Variants in MTHFD1L observed in about 807,000 individuals in gnomAD.
MTHFD1L encodes methylenetetrahydrofolate dehydrogenase (NADP+ dependent) 1 like, also known as monofunctional C1-tetrahydrofolate synthase, mitochondrial.
A neutral mutation model predicts 119.5 loss-of-function variants in MTHFD1L; 81 were observed. That is an observed-to-expected ratio of 0.68 (90% confidence interval 0.57 to 0.82). The LOEUF (loss-of-function observed/expected upper bound fraction) is 0.82. Ranked by LOEUF, MTHFD1L falls within the 40% of genes least tolerant of loss-of-function variation. MTHFD1L has a pLI of 0.00. For synonymous variants in MTHFD1L, 430 were observed against 475.2 expected, an observed-to-expected ratio of 0.90 and a Z score of 1.24; for missense variants, 1,125 against 1,253.4, an observed-to-expected ratio of 0.90 and a Z score of 1.55.
intron 26 of MTHFD1L, among the ~76,000 whole-genome samples, chr6:151,049,791 ATGGTTCC>A (rs1272270605): frequency 6.6e-6 from 1 of 152,198 alleles, no homozygotes; most frequent in East Asian, 1.9e-4. Context: ...ATTTTCGTCC[ATGGTTCC>A]TGGTTCCTGA....
At chr6:150,910,721 C>T (rs79533638) in intron 8 of MTHFD1L, among the ~76,000 whole-genome samples, 2 of 152,210 alleles carry the variant, frequency 1.3e-5, no homozygotes, top group East Asian at 3.9e-4. Flanking sequence ...GGGGCAGTGC[C>T]TCTTTGATGG....
chr6:150,995,854 G>T lies in MTHFD1L; in HGVS notation c.2126-13965G>T, dbSNP rs555715089. Among the ~76,000 whole-genome samples, 80 of 152,008 alleles carry T rather than the reference G, an allele frequency of 5.3e-4. 2 individuals are homozygous for T. The highest frequency in any genetic ancestry group is 2.2e-3 in the East Asian group (11 of 5,070). ...TTTTTTGTATTTTTAGTAGAGACGGGGTTTCACCATGTTGGCCAGGCTGGT... is the reference window on the plus strand; with the variant it reads ...TTTTTTGTATTTTTAGTAGAGACGGTGTTTCACCATGTTGGCCAGGCTGGT... On this transcript the variant is annotated intron_variant, in intron 20 of 27. Transcript: ENST00000367321.
intron 20 of MTHFD1L, among the ~76,000 whole-genome samples, chr6:151,009,107 A>C (rs1187015936): frequency 7.2e-6 from 1 of 139,518 alleles, no homozygotes; most frequent in Non-Finnish European, 1.5e-5. Context: ...GGGGGACAAG[A>C]GCGAAACTCC....
At chr6:150,974,433 C>T (rs1031588160) in intron 20 of MTHFD1L, among the ~76,000 whole-genome samples, 14 of 152,090 alleles carry the variant, frequency 9.2e-5, no homozygotes, top group Admixed American at 5.9e-4. Context: ...ATAAAATACA[C>T]GTAACATGAA....
intron 26 of MTHFD1L, among the ~76,000 whole-genome samples, chr6:151,062,548 C>T (rs1790768008): frequency 6.6e-6 from 1 of 152,126 alleles, no homozygotes; most frequent in Non-Finnish European, 1.5e-5. Context: ...AAAGTCTTTG[C>T]CCTCAAGTTA....
chr6:150,941,866 T>A (rs76533856), intron 13 of MTHFD1L, among the ~76,000 whole-genome samples: 7,208 of 152,218 alleles, frequency 0.047, 209 homozygotes, highest in South Asian at 0.087. Context: ...ACATTCCAGT[T>A]GTGAAATGGC....
intron 26 of MTHFD1L, among the ~76,000 whole-genome samples, chr6:151,062,632 G>A (rs1037417693): frequency 6.6e-6 from 1 of 152,300 alleles, no homozygotes; most frequent in East Asian, 1.9e-4. Context: ...GGGGGCAGGA[G>A]TAGGCAGAGT....
At chr6:150,906,842 G>T (rs932818292) in intron 8 of MTHFD1L, among the ~76,000 whole-genome samples, 3 of 152,132 alleles carry the variant, frequency 2.0e-5, no homozygotes, top group Non-Finnish European at 2.9e-5. Context: ...AGAATTGACC[G>T]ATCAGATTAA....
chr6:150,942,029 C>T (rs993345920), intron 13 of MTHFD1L, among the ~76,000 whole-genome samples: 2 of 152,126 alleles, frequency 1.3e-5, no homozygotes, highest in African/African-American at 2.4e-5. Context: ...GAGGCTGAGG[C>T]GAGTGGATCA....
intron 26 of MTHFD1L, chr6:151,088,167 A>G (rs1057219574): frequency 6.6e-6 from 1 of 152,164 alleles, no homozygotes; most frequent in African/African-American, 2.4e-5. Flanking sequence ...ATTCCACATT[A>G]TGCTTGCTCA....
intron 13 of MTHFD1L, among the ~76,000 whole-genome samples, chr6:150,942,518 A>G (rs1233361134): frequency 1.3e-5 from 2 of 152,162 alleles, no homozygotes; most frequent in Non-Finnish European, 2.9e-5. Flanking sequence ...GAAAAAATGA[A>G]TGTATGGGAA....
At chr6:151,067,067 C>T (rs753609218) in intron 26 of MTHFD1L, among the ~76,000 whole-genome samples, 2 of 149,424 alleles carry the variant, frequency 1.3e-5, no homozygotes, top group African/African-American at 4.9e-5. Flanking sequence ...AATCATGGCT[C>T]ACTGCAACCT....
In MTHFD1L at chr6:151,026,697, G is replaced by C. The variant is rs1008513765; in HGVS notation, c.2587-7796G>C. Among the ~76,000 whole-genome samples, 16 of 151,882 alleles carry C rather than the reference G, an allele frequency of 1.1e-4. No homozygotes were observed. In the East Asian group the frequency reaches 2.9e-3, roughly 28 times the overall value. On this transcript the variant is annotated intron_variant, in intron 24 of 27. Transcript: ENST00000367321. ...GAAGTAGCTAATATGTTAAGCAGCTGTGCATTATATAGACAGAATATTCAC... is the reference window on the plus strand; with the variant it reads ...GAAGTAGCTAATATGTTAAGCAGCTCTGCATTATATAGACAGAATATTCAC...
At chr6:151,065,431 G>T (rs1379957284) in intron 26 of MTHFD1L, among the ~76,000 whole-genome samples, 1 of 152,208 alleles carries the variant, frequency 6.6e-6, no homozygotes, top group African/African-American at 2.4e-5. Flanking sequence ...GCAAGTAAGA[G>T]AAACTCAACT....
chr6:150,870,172 A>T lies in MTHFD1L; in HGVS notation c.227+4123A>T, dbSNP rs180691739. 6.4e-4 allele frequency among the ~76,000 whole-genome samples: 97 copies of T among 152,356 alleles called. 1 individual carries two copies. Among genetic ancestry groups the T allele is most frequent in the African/African-American group, 1.8e-3 (73 of 41,592 alleles). The stretch of plus-strand genomic sequence containing the variant: ...TTTAGCTACACATGGCAACCTAGCT[A>T]GAGAGCTCACATTCCTTCCCACTGT... On this transcript the variant is annotated intron_variant, in intron 1 of 27. Transcript: ENST00000367321.
chr6:151,101,281 G>A (rs984694874), intron 27 of MTHFD1L, among the ~76,000 whole-genome samples: 10 of 152,128 alleles, frequency 6.6e-5, no homozygotes, highest in Admixed American at 5.9e-4. Context: ...AAATCTCTTG[G>A]GAAGTTTAGA....
chr6:151,015,110 G>T, intron 23 of MTHFD1L, 130 bp downstream of exon 23: 1 of 653,652 alleles, frequency 1.5e-6, no homozygotes, highest in Non-Finnish European at 2.4e-6. Flanking sequence ...AGTTCTTTCT[G>T]TTTGTTTATT....
At chr6:150,874,766 C>CT (rs758695006) in intron 1 of MTHFD1L, among the ~76,000 whole-genome samples, 2,088 of 145,174 alleles carry the variant, frequency 0.014, 38 homozygotes, top group African/African-American at 0.044. Context: ...GCTCCTAACA[C>CT]TTTTTTTTTT....
At chr6:150,871,886 A>ATTTTTTTTTTTTTTTTTTTT (rs985548250) in intron 1 of MTHFD1L, among the ~76,000 whole-genome samples, 11 of 147,646 alleles carry the variant, frequency 7.5e-5, no homozygotes, top group African/African-American at 2.5e-4. Context: ...ATTTTATTTT[A>ATTTTTTTTTTTTTTTTTTTT]TTTTATTTTT....
Sources: gnomAD v4.1 joint callset for allele counts (sites outside exome capture counted in the v4.1 genomes callset) on GRCh38, gnomAD v4.1.1 for gene constraint, MANE v1.5 for transcripts, NCBI Gene and HGNC (gene_info 2026-07-23, HGNC 2026-07-21) for gene names.